Variants in DSC3 observed in about 807,000 individuals in gnomAD.
DSC3 encodes the protein desmocollin 3.
A neutral mutation model predicts 89.5 loss-of-function variants in DSC3; 97 were observed. That is an observed-to-expected ratio of 1.08 (90% CI 0.92 to 1.28). The LOEUF (loss-of-function observed/expected upper bound fraction) is 1.28, where lower values mean the gene tolerates loss of function less well. Ranked by LOEUF, DSC3 falls within the 50% of genes most tolerant of loss-of-function variation. The pLI is 0.00. For missense variants in DSC3, 1,199 were observed against 1,085.3 expected (o/e 1.10, Z -1.47); for synonymous variants, 436 against 384.1 (o/e 1.14, Z -1.58).
At chr18:31,014,727 G>T (rs1444828216) in intron 9 of DSC3, among the ~76,000 whole-genome samples, 1 of 152,096 alleles carries the variant, frequency 6.6e-6, no homozygotes, top group African/African-American at 2.4e-5. Flanking sequence ...ATGACAAGGG[G>T]CTGCAGATGT....
intron 14 of DSC3, among the ~76,000 whole-genome samples, chr18:31,001,079 T>TTG (rs143984388): frequency 0.35 from 44,686 of 126,764 alleles, 8,985 homozygotes; most frequent in Non-Finnish European, 0.43. Flanking sequence ...TATATATACT[T>TTG]TGTGTGTGTG....
At position 31,008,449 on chromosome 18, in the gene DSC3, A is replaced by G; in HGVS notation, c.1340T>C (p.Ile447Thr). The change falls in exon 10 of 16, where the codon ATT (isoleucine) becomes ACT (threonine). Residue 447 changes from isoleucine (I) to threonine (T), a missense_variant. Physicochemically the swap from Ile to Thr is moderately conservative, Grantham distance 89. Transcript: ENST00000360428. ...VNNEAPFARDIPRVTALNRAL... is the reference protein window; with the variant it reads ...VNNEAPFARDTPRVTALNRAL... ...TCTGTTCAAGGCTGTCACTCTGGGA[A>G]TATCTCTAGCAAATGGCGCTTCATT... is the stretch of plus-strand genomic sequence containing the variant. 1 of 1,614,176 alleles carries G rather than the reference A, an allele frequency of 6.2e-7. No individual in the cohort carries two copies. Among genetic ancestry groups the G allele is most frequent in the Non-Finnish European group, 8.5e-7 (1 of 1,180,024 alleles).
intron 9 of DSC3, among the ~76,000 whole-genome samples, chr18:31,010,281 C>T (rs1985013670): frequency 1.3e-5 from 2 of 152,096 alleles, no homozygotes; most frequent in South Asian, 2.1e-4. Context: ...AATATCTGTT[C>T]GTTTGATGCT....
intron 1 of DSC3, among the ~76,000 whole-genome samples, chr18:31,032,591 C>T (rs12455867): frequency 0.012 from 1,337 of 111,192 alleles, 9 homozygotes; most frequent in East Asian, 0.017. Flanking sequence ...TGTGTGTGTG[C>T]GTGTGCGTGT....
chr18:31,008,353 C>A lies in DSC3; in HGVS notation c.1436G>T (p.Arg479Leu), dbSNP rs149649866. The change falls in exon 10 of 16, where the codon CGG (arginine) becomes CTG (leucine). Residue 479 changes from arginine (R) to leucine (L), a missense_variant. Arg to Leu is a moderately radical substitution (Grantham distance 102, BLOSUM62 -2). Transcript: ENST00000360428. ...CCCCACTGCTAAGTTTTCTTTAATC[C>A]GCACATATTGGGCTGCAGGAGTGCA... ...PECTPAAQYV[R>L]IKENLAVGSK... The A allele has an allele frequency of 1.4e-5, 22 of 1,613,876 alleles. No homozygotes were observed. In the African/African-American group the frequency reaches 2.9e-4, roughly 22 times the overall value.
chr18:30,996,848 G>T lies in DSC3; in HGVS notation c.2436C>A (p.Asp812Glu), dbSNP rs1168815505. The T allele has an allele frequency of 6.2e-7, 1 of 1,613,592 alleles. No homozygotes were observed. The highest frequency in any genetic ancestry group is 8.5e-7 in the Non-Finnish European group (1 of 1,180,000). Residue 812 changes from aspartate (D) to glutamate (E), a missense_variant, in exon 15 of 16, where the codon GAC (aspartate) becomes GAA (glutamate). By Grantham distance (45) the Asp-to-Glu change is conservative. Transcript: ENST00000360428. Reference protein sequence around the residue: ...DSCRGGHTEVDNCRYTYSEWH... With the variant: ...DSCRGGHTEVENCRYTYSEWH... ...ACTCCGAGTAAGTGTATCTGCAGTTGTCCACCTCCGTGTGTCCTCCCCTGC... is the reference window on the plus strand; with the variant it reads ...ACTCCGAGTAAGTGTATCTGCAGTTTTCCACCTCCGTGTGTCCTCCCCTGC...
rs770808953 is a variant in DSC3 at position 31,018,663 on chromosome 18, T to TA, written c.1077+2dup. ...GAGGCAGATTTTGATATTATATACTTACAGCATTTTGTCTGAAAGTGGGTG... is the reference window on the plus strand; with the variant it reads ...GAGGCAGATTTTGATATTATATACTTAACAGCATTTTGTCTGAAAGTGGGTG... On this transcript the variant is annotated splice_region_variant and intron_variant, in intron 8 of 15. Transcript: ENST00000360428. 8.1e-6 allele frequency: 13 copies of TA among 1,612,390 alleles called. No individual in the cohort carries two copies. The highest frequency in any genetic ancestry group is 1.1e-5 in the Non-Finnish European group (13 of 1,179,720).
At chr18:31,027,584 C>A (rs1383682588) in intron 4 of DSC3, among the ~76,000 whole-genome samples, 1 of 151,726 alleles carries the variant, frequency 6.6e-6, no homozygotes, top group Admixed American at 6.6e-5. Context: ...TCAATCTTTT[C>A]TCTGATGCTG....
intron 3 of DSC3, 77 bp from the exon 4 acceptor site, chr18:31,029,705 A>G: frequency 1.3e-6 from 2 of 1,571,596 alleles, no homozygotes; most frequent in Non-Finnish European, 1.7e-6. Flanking sequence ...TGGACAGCTC[A>G]TAAACCTAAT....
intron 1 of DSC3, among the ~76,000 whole-genome samples, chr18:31,034,733 A>T (rs189787331): frequency 1.2e-4 from 18 of 152,152 alleles, no homozygotes; most frequent in African/African-American, 4.4e-4. Flanking sequence ...GATACAAAAC[A>T]ACACATACTG....
At position 30,990,549 on chromosome 18, in the gene DSC3, C is replaced by T. The variant is rs184659168; in HGVS notation, c.*3626G>A. 1.1e-4 allele frequency: 16 copies of T among 152,268 alleles called. No individual in the cohort carries two copies. Among genetic ancestry groups the T allele is most frequent in the African/African-American group, 2.9e-4 (12 of 41,558 alleles). 9.4% of individuals were successfully genotyped at this position (152,268 alleles called of 1,614,324 possible). A position where few individuals can be genotyped will look rare whatever the true frequency, so the allele number is the denominator to read the frequency against. ...AGATTTTTGAAATGATCAGTCTTAA[C>T]GTTTGTAGGGGAGCACACTCCTGCA... On this transcript the variant is annotated 3_prime_UTR_variant, in exon 16 of 16. Coordinates refer to ENST00000360428, the MANE Select transcript of DSC3 (RefSeq NM_001941.5).
At chr18:31,010,023 T>G (rs541198780) in intron 9 of DSC3, among the ~76,000 whole-genome samples, 1 of 152,372 alleles carries the variant, frequency 6.6e-6, no homozygotes, top group East Asian at 1.9e-4. Flanking sequence ...AAGCACTTTT[T>G]CTTCAATTTC....
rs533268282 is a variant in DSC3 at position 31,000,583 on chromosome 18, C to T, written c.2235+1035G>A. Among the ~76,000 whole-genome samples, 15 of 152,298 alleles carry T rather than the reference C, an allele frequency of 9.8e-5. 1 individual carries two copies. In the South Asian group the frequency reaches 2.9e-3, roughly 29 times the overall value. ...TAATATTCTCTTCTCTAACACCGAA[C>T]TTGTTTCAAGCCTCTTTTCCAACAC... On this transcript the variant is annotated intron_variant, in intron 14 of 15. Coordinates refer to ENST00000360428, the MANE Select transcript of DSC3 (RefSeq NM_001941.5).
intron 2 of DSC3, among the ~76,000 whole-genome samples, chr18:31,031,623 C>T (rs1291705475): frequency 6.6e-6 from 1 of 152,116 alleles, no homozygotes; most frequent in Non-Finnish European, 1.5e-5. Context: ...GGTAAAGAGT[C>T]ATGTTAGAAA....
chr18:31,025,576 C>G (rs1435127088), intron 5 of DSC3, among the ~76,000 whole-genome samples, 184 bp downstream of exon 5: 3 of 152,088 alleles, frequency 2.0e-5, no homozygotes, highest in Admixed American at 6.6e-5. Flanking sequence ...TTCAGGCTTA[C>G]CTAACAGCAG....
At chr18:31,033,213 A>G (rs1161237031) in intron 1 of DSC3, among the ~76,000 whole-genome samples, 3 of 152,226 alleles carry the variant, frequency 2.0e-5, no homozygotes, top group African/African-American at 7.2e-5. Flanking sequence ...CTATTCCCCA[A>G]ATTAATTTAC....
intron 14 of DSC3, among the ~76,000 whole-genome samples, chr18:30,998,162 T>G (rs552256064): frequency 3.0e-4 from 45 of 152,134 alleles, no homozygotes; most frequent in Non-Finnish European, 5.4e-4. Flanking sequence ...GGAGATCAGA[T>G]GGGGGTCACT....
chr18:31,035,492 C>T (rs1017940606), intron 1 of DSC3, among the ~76,000 whole-genome samples: 1 of 151,906 alleles, frequency 6.6e-6, no homozygotes, highest in African/African-American at 2.4e-5. Context: ...TTAATATTTT[C>T]CTTAAGTATA....
At position 31,008,439 on chromosome 18, in the gene DSC3, C is replaced by A. The variant is rs763518529; in HGVS notation, c.1350G>T (p.Val450=). The change falls in exon 10 of 16, where the codon GTG becomes GTT. Residue 450 remains valine (V), a synonymous_variant. Coordinates refer to ENST00000360428, the MANE Select transcript of DSC3 (RefSeq NM_001941.5). ...EAPFARDIPR[V]TALNRALVTV... ...TAACCAAGGCTCTGTTCAAGGCTGTCACTCTGGGAATATCTCTAGCAAATG... is the reference window on the plus strand; with the variant it reads ...TAACCAAGGCTCTGTTCAAGGCTGTAACTCTGGGAATATCTCTAGCAAATG... 1.9e-6 allele frequency: 3 copies of A among 1,614,048 alleles called. No homozygotes were observed. Among genetic ancestry groups the A allele is most frequent in the Non-Finnish European group, 1.7e-6 (2 of 1,180,012 alleles).
Sources: gnomAD v4.1 joint callset for allele counts (sites outside exome capture counted in the v4.1 genomes callset) on GRCh38, gnomAD v4.1.1 for gene constraint, MANE v1.5 for transcripts, NCBI Gene and HGNC (gene_info 2026-07-23, HGNC 2026-07-21) for gene names.